Variants in AGBL4 observed in about 807,000 individuals in gnomAD.
AGBL4 encodes the protein cytosolic carboxypeptidase 6.
In AGBL4, 58 loss-of-function variants were observed where a neutral mutation model predicts 66.4. The ratio of observed to expected loss-of-function variants is 0.87; its 90% CI spans 0.71 to 1.09. The LOEUF is 1.09. Among genes scored for constraint, AGBL4 ranks in the 50% least tolerant of loss-of-function variants. The pLI is 0.00. For missense variants in AGBL4, 579 were observed against 631.0 expected (o/e 0.92, Z 0.88); for synonymous variants, 234 against 222.9 (o/e 1.05, Z -0.44).
intron 4 of AGBL4, among the ~76,000 whole-genome samples, chr1:49,206,370 A>T (rs919831618): frequency 6.6e-6 from 1 of 152,166 alleles, no homozygotes; most frequent in African/African-American, 2.4e-5. Flanking sequence ...GGATGGCCCT[A>T]TAAAGGGGCA....
At position 49,917,410 on chromosome 1, in the gene AGBL4, C is replaced by CA. The variant is rs1281551696; in HGVS notation, c.35-65893dup. ...GAAGATCTACCAAGCAAATGGAAAA[C>CA]AAAAAAAGGCAGGGTTTGCAATCCT... On this transcript the variant is annotated intron_variant, in intron 1 of 13. Transcript: ENST00000371839. 9.3e-5 allele frequency among the ~76,000 whole-genome samples: 14 copies of CA among 150,922 alleles called. No homozygotes were observed. In the East Asian group the frequency reaches 2.5e-3, roughly 27 times the overall value.
chr1:48,717,590 C>T lies in AGBL4; in HGVS notation c.635-54349G>A, dbSNP rs867837900. 1.1e-4 allele frequency among the ~76,000 whole-genome samples: 16 copies of T among 152,272 alleles called. 1 individual carries two copies. Among genetic ancestry groups the T allele is most frequent in the Middle Eastern group, 6.8e-3 (2 of 294 alleles). On this transcript the variant is annotated intron_variant, in intron 6 of 13. Coordinates refer to ENST00000371839, the MANE Select transcript of AGBL4 (RefSeq NM_032785.4). ...GTGGGCATTGGCTTCCACTTTTCCA[C>T]TTTTTCTACCATCCTGCATTGCTTT...
At chr1:48,704,950 T>C (rs557212445) in intron 6 of AGBL4, among the ~76,000 whole-genome samples, 1 of 152,346 alleles carries the variant, frequency 6.6e-6, no homozygotes, top group Admixed American at 6.5e-5. Context: ...GGCAGCACAG[T>C]AGCTCTATTT....
At chr1:48,689,015 C>T (rs1646579159) in intron 6 of AGBL4, among the ~76,000 whole-genome samples, 1 of 151,428 alleles carries the variant, frequency 6.6e-6, no homozygotes, top group South Asian at 2.1e-4. Flanking sequence ...GATCCCCATT[C>T]AGAAAGAAGA....
chr1:48,541,299 C>T (rs1644064199), intron 11 of AGBL4, among the ~76,000 whole-genome samples: 1 of 152,230 alleles, frequency 6.6e-6, no homozygotes, highest in African/African-American at 2.4e-5. Context: ...ACAACCTCTT[C>T]TTCCTGGCCT....
At chr1:49,766,350 T>C (rs1278218515) in intron 2 of AGBL4, among the ~76,000 whole-genome samples, 2 of 151,856 alleles carry the variant, frequency 1.3e-5, no homozygotes, top group African/African-American at 2.4e-5. Context: ...AGCTTATAAG[T>C]GAAGGAGAAA....
chr1:48,940,421 T>C (rs1655868816), intron 5 of AGBL4, among the ~76,000 whole-genome samples: 1 of 152,096 alleles, frequency 6.6e-6, no homozygotes, highest in South Asian at 2.1e-4. Context: ...AGAGTTCAAG[T>C]GACGGGCTCA....
intron 2 of AGBL4, among the ~76,000 whole-genome samples, chr1:49,757,585 G>A (rs1438564783): frequency 1.3e-5 from 2 of 152,182 alleles, no homozygotes; most frequent in Non-Finnish European, 2.9e-5. Flanking sequence ...TATGGACAAT[G>A]AAGTCCAGGT....
rs181538495 is a variant in AGBL4, at chr1:48,554,581, C to T, written c.1268-14843G>A. Among the ~76,000 whole-genome samples, 56 of 152,174 alleles carry T rather than the reference C, an allele frequency of 3.7e-4. 1 individual carries two copies. Among genetic ancestry groups the T allele is most frequent in the Non-Finnish European group, 2.9e-5 (2 of 68,012 alleles). ...TAAACTTAAATCCCAATCTTTAGGA[C>T]CCTCATGGTTCTAACATTTTATGAT... On this transcript the variant is annotated intron_variant, in intron 11 of 13. Coordinates refer to ENST00000371839, the MANE Select transcript of AGBL4 (RefSeq NM_032785.4).
chr1:48,586,284 A>T, intron 11 of AGBL4: 1 of 152,222 alleles, frequency 6.6e-6, no homozygotes, highest in Non-Finnish European at 1.5e-5. Context: ...GAGGAAAAGG[A>T]ATTTGTCAAA....
intron 4 of AGBL4, among the ~76,000 whole-genome samples, chr1:49,225,347 T>A (rs1227186407): frequency 6.6e-6 from 1 of 152,224 alleles, no homozygotes; most frequent in Non-Finnish European, 1.5e-5. Flanking sequence ...CTTGCATATC[T>A]TAGAATGCTC....
At chr1:49,227,875 T>C (rs1650028911) in intron 4 of AGBL4, among the ~76,000 whole-genome samples, 1 of 152,158 alleles carries the variant, frequency 6.6e-6, no homozygotes, top group Admixed American at 6.5e-5. Flanking sequence ...GACAGGAGCT[T>C]GGAGTTCCTG....
chr1:49,597,408 G>A (rs1164893513), intron 3 of AGBL4, among the ~76,000 whole-genome samples: 1 of 152,168 alleles, frequency 6.6e-6, no homozygotes, highest in Non-Finnish European at 1.5e-5. Flanking sequence ...AACTAAGTTT[G>A]GGGGATCAAG....
chr1:49,047,590 T>C (rs1416935489), intron 4 of AGBL4, among the ~76,000 whole-genome samples: 1 of 152,110 alleles, frequency 6.6e-6, no homozygotes, highest in Non-Finnish European at 1.5e-5. Context: ...GGCTTGGAAG[T>C]TGCATGAGGA....
chr1:49,905,648 G>A (rs1015938047), intron 1 of AGBL4, among the ~76,000 whole-genome samples: 2 of 152,120 alleles, frequency 1.3e-5, no homozygotes, highest in Admixed American at 1.3e-4. Flanking sequence ...CTGTGATTAA[G>A]AGAATCAAAA....
intron 3 of AGBL4, among the ~76,000 whole-genome samples, chr1:49,565,276 T>A (rs1024148098): frequency 4.6e-5 from 7 of 152,200 alleles, no homozygotes; most frequent in Admixed American, 6.5e-5. Flanking sequence ...GTCTGTGCCT[T>A]TTAATTGAAG....
intron 6 of AGBL4, among the ~76,000 whole-genome samples, chr1:48,847,601 A>G (rs898870365): frequency 2.0e-5 from 3 of 152,188 alleles, no homozygotes. Context: ...AGCAGAGTAA[A>G]GTACTTTGAA....
At chr1:49,006,665 C>T (rs1328164841) in intron 5 of AGBL4, among the ~76,000 whole-genome samples, 10 of 150,654 alleles carry the variant, frequency 6.6e-5, no homozygotes, top group Admixed American at 1.3e-4. Context: ...TCTCCCAGTA[C>T]GCAGCTGGAG....
chr1:48,549,116 G>A (rs1046557633), intron 11 of AGBL4, among the ~76,000 whole-genome samples: 2 of 152,094 alleles, frequency 1.3e-5, no homozygotes, highest in African/African-American at 2.4e-5. Flanking sequence ...GCCCCTCCCA[G>A]CAACAGATGA....
Sources: gnomAD v4.1 joint callset for allele counts (sites outside exome capture counted in the v4.1 genomes callset) on GRCh38, gnomAD v4.1.1 for gene constraint, MANE v1.5 for transcripts, NCBI Gene and HGNC (gene_info 2026-07-23, HGNC 2026-07-21) for gene names.